Variants in SEMA6A observed in about 807,000 individuals in gnomAD.
The protein encoded by SEMA6A is semaphorin-6A.
Under a neutral mutation model 96.8 loss-of-function variants are expected in SEMA6A, and 25 were observed. The ratio of observed to expected loss-of-function variants is 0.26; its 90% CI spans 0.19 to 0.36. SEMA6A has a LOEUF of 0.36. Among genes scored for constraint, SEMA6A ranks in the 10% least tolerant of loss-of-function variants. SEMA6A has a pLI of 1.00. For missense variants in SEMA6A, 1,363 were observed against 1,323.1 expected (o/e 1.03, Z -0.47); for synonymous variants, 612 against 518.0 (o/e 1.18, Z -2.46).
intron 3 of SEMA6A, among the ~76,000 whole-genome samples, chr5:116,501,333 A>C (rs968256544): frequency 6.6e-6 from 1 of 152,210 alleles, no homozygotes; most frequent in African/African-American, 2.4e-5. Flanking sequence ...TATTCTTACC[A>C]TGCCATTCAG....
intron 1 of SEMA6A, among the ~76,000 whole-genome samples, chr5:116,509,088 C>T (rs1368521387): frequency 6.6e-6 from 1 of 152,224 alleles, no homozygotes; most frequent in East Asian, 1.9e-4. Context: ...TGCATAAATG[C>T]TTGGTGCATC....
At chr5:116,492,669 C>A (rs946327577) in intron 6 of SEMA6A, among the ~76,000 whole-genome samples, 1 of 152,182 alleles carries the variant, frequency 6.6e-6, no homozygotes, top group Non-Finnish European at 1.5e-5. Context: ...GGGCTATAAC[C>A]TTTCTAACAC....
At chr5:116,520,271 T>TC (rs1248115302) in intron 1 of SEMA6A, among the ~76,000 whole-genome samples, 2 of 148,748 alleles carry the variant, frequency 1.3e-5, no homozygotes, top group Non-Finnish European at 3.0e-5. Context: ...TTTTTTTTTT[T>TC]CATCACTTTA....
intron 1 of SEMA6A, among the ~76,000 whole-genome samples, chr5:116,553,766 C>T (rs567651768): frequency 1.5e-4 from 23 of 152,184 alleles, no homozygotes; most frequent in South Asian, 1.5e-3. Context: ...CAGAGAAATC[C>T]TGAGAGTGAG....
At chr5:116,538,072 G>C (rs1004878508) in intron 1 of SEMA6A, among the ~76,000 whole-genome samples, 4 of 152,202 alleles carry the variant, frequency 2.6e-5, no homozygotes, top group Non-Finnish European at 5.9e-5. Flanking sequence ...CTACTTGGGA[G>C]GCTGAGGCAG....
chr5:116,538,290 T>G (rs947880784), intron 1 of SEMA6A, among the ~76,000 whole-genome samples: 3 of 148,100 alleles, frequency 2.0e-5, no homozygotes, highest in African/African-American at 7.6e-5. Context: ...TTGGTTTGAG[T>G]TTTTTTTGCA....
At chr5:116,453,300 A>G (rs527553380) in intron 18 of SEMA6A, among the ~76,000 whole-genome samples, 1 of 152,244 alleles carries the variant, frequency 6.6e-6, no homozygotes, top group African/African-American at 2.4e-5. Context: ...GGCTCAGCTT[A>G]AATGGGGAAG....
intron 1 of SEMA6A, among the ~76,000 whole-genome samples, chr5:116,561,290 A>G (rs537651991): frequency 6.6e-6 from 1 of 152,378 alleles, no homozygotes; most frequent in Admixed American, 6.5e-5. Context: ...TACAGTCAGT[A>G]AGCTGACTTC....
chr5:116,486,886 C>T lies in SEMA6A; in HGVS notation c.825G>A (p.Ser275=), dbSNP rs554196004. The T allele has an allele frequency of 4.6e-5, 74 of 1,613,786 alleles. No homozygotes were observed. Among genetic ancestry groups the T allele is most frequent in the Middle Eastern group, 1.7e-4 (1 of 6,060 alleles). The part of the protein sequence containing the change: ...SQRVLEKQWT[S]FLKARLNCSV... Reference sequence around the variant, plus strand: ...AGCAGTTCAAGCGCGCCTTCAGGAACGACGTCCACTGTTTCTCCAGGACTC... The same window carrying T: ...AGCAGTTCAAGCGCGCCTTCAGGAATGACGTCCACTGTTTCTCCAGGACTC... The change falls in exon 10 of 19, where the codon TCG becomes TCA. Residue 275 remains serine (S), a synonymous_variant. Coordinates refer to ENST00000343348, the MANE Select transcript of SEMA6A (RefSeq NM_020796.5).
chr5:116,545,387 T>C (rs1348055670), intron 1 of SEMA6A, among the ~76,000 whole-genome samples: 12 of 151,990 alleles, frequency 7.9e-5, no homozygotes, highest in Admixed American at 7.9e-4. Flanking sequence ...CTGGCCAACA[T>C]GGTCAAATCC....
At chr5:116,458,129 A>G (rs1561467961) in intron 18 of SEMA6A, among the ~76,000 whole-genome samples, 2 of 152,210 alleles carry the variant, frequency 1.3e-5, no homozygotes, top group Non-Finnish European at 2.9e-5. Flanking sequence ...CTAGGCTATC[A>G]GAAAGAAAGG....
intron 1 of SEMA6A, 51 bp downstream of exon 1, chr5:116,574,134 T>A (rs1221633243): frequency 2.0e-5 from 3 of 151,440 alleles, no homozygotes; most frequent in South Asian, 4.2e-4. Context: ...ACCCTCAGGC[T>A]GGAGTCCAGC....
chr5:116,533,378 T>C (rs543526531), intron 1 of SEMA6A, among the ~76,000 whole-genome samples: 1 of 152,124 alleles, frequency 6.6e-6, no homozygotes, highest in Non-Finnish European at 1.5e-5. Context: ...ACCTTTTTAG[T>C]CAGACCTACT....
intron 18 of SEMA6A, among the ~76,000 whole-genome samples, chr5:116,458,730 CT>C (rs960304252): frequency 2.0e-5 from 3 of 151,584 alleles, no homozygotes; most frequent in African/African-American, 4.8e-5. Flanking sequence ...TGACATTTAA[CT>C]TTTTTTTTCC....
At chr5:116,560,922 A>G (rs2112904305) in intron 1 of SEMA6A, among the ~76,000 whole-genome samples, 1 of 152,300 alleles carries the variant, frequency 6.6e-6, no homozygotes, top group Middle Eastern at 3.4e-3. Flanking sequence ...AACTTGTTCT[A>G]TGTCAGGACT....
intron 1 of SEMA6A, among the ~76,000 whole-genome samples, chr5:116,538,078 G>A (rs1403900010): frequency 6.6e-6 from 1 of 152,206 alleles, no homozygotes; most frequent in African/African-American, 2.4e-5. Context: ...GGGAGGCTGA[G>A]GCAGGGGAAT....
chr5:116,449,797 A>C (rs76845048), intron 18 of SEMA6A: 2,154 of 156,338 alleles, frequency 0.014, 27 homozygotes, highest in Middle Eastern at 0.032. Context: ...AATTCACCAT[A>C]AGGAAAGAGT....
Position 116,475,720 on chromosome 5 carries a change from C to T in SEMA6A, c.1650-117G>A, listed in dbSNP as rs926289788. The T allele has an allele frequency of 2.7e-5, 17 of 639,742 alleles. No homozygotes were observed. In the African/African-American group the frequency reaches 3.2e-4, roughly 12 times the overall value. 39.6% of individuals were successfully genotyped at this position (639,742 alleles called of 1,614,324 possible). On this transcript the variant is annotated intron_variant, in intron 15 of 18. Coordinates refer to ENST00000343348, the MANE Select transcript of SEMA6A (RefSeq NM_020796.5). ...AGTTTGATAAATTGAGTGGCAGGTG[C>T]AAAAAAGAAATACATAACAGCTTTA...
chr5:116,512,107 C>A (rs1436944547), intron 1 of SEMA6A, among the ~76,000 whole-genome samples: 1 of 152,124 alleles, frequency 6.6e-6, no homozygotes, highest in African/African-American at 2.4e-5. Flanking sequence ...CTTCACTGAC[C>A]TGGACAGCTC....
Sources: allele counts gnomAD v4.1 joint callset (sites outside exome capture counted in the v4.1 genomes callset), GRCh38; gene constraint gnomAD v4.1.1; transcripts MANE v1.5; gene names NCBI Gene and HGNC (gene_info 2026-07-23, HGNC 2026-07-21).